Variants in UNC80 observed in about 807,000 individuals in gnomAD.
UNC80 encodes the protein protein unc-80 homolog.
Under a neutral mutation model 384.6 loss-of-function variants are expected in UNC80, and 164 were observed. The ratio of observed to expected loss-of-function variants is 0.43; its 90% CI spans 0.38 to 0.49. The LOEUF (loss-of-function observed/expected upper bound fraction) is 0.49, where lower values mean the gene tolerates loss of function less well. UNC80 is among the 20% of genes least tolerant of loss of function. The pLI is 0.00. For synonymous variants in UNC80, 1,486 were observed against 1,527.8 expected, an observed-to-expected ratio of 0.97 and a Z score of 0.64; for missense variants, 3,330 against 4,143.0, an observed-to-expected ratio of 0.80 and a Z score of 5.39.
intron 7 of UNC80, among the ~76,000 whole-genome samples, chr2:209,812,102 T>G (rs1428711401): frequency 1.3e-5 from 2 of 152,154 alleles, no homozygotes; most frequent in Non-Finnish European, 2.9e-5. Context: ...CAGGCTGGAG[T>G]GCAGTGGCGC....
intron 1 of UNC80, among the ~76,000 whole-genome samples, chr2:209,772,423 G>A (rs1359856636): frequency 6.6e-6 from 1 of 151,990 alleles, no homozygotes; most frequent in African/African-American, 2.4e-5. Context: ...TTAGGGGGTG[G>A]GAGGGCAGAG....
intron 42 of UNC80, among the ~76,000 whole-genome samples, chr2:209,938,177 A>C (rs2091374718): frequency 1.3e-5 from 2 of 152,240 alleles, no homozygotes; most frequent in South Asian, 4.1e-4. Context: ...CTTAGGTTTA[A>C]GGTTGAAGAA....
At chr2:209,776,132 G>A in intron 3 of UNC80, 87 bp downstream of exon 3, 1 of 1,520,828 alleles carries the variant, frequency 6.6e-7, no homozygotes, top group South Asian at 1.3e-5. Context: ...AGTAGTTTCT[G>A]TTTTCTCAAG....
At chr2:209,818,623 A>G (rs908846653) in intron 11 of UNC80, among the ~76,000 whole-genome samples, 1 of 152,202 alleles carries the variant, frequency 6.6e-6, no homozygotes, top group African/African-American at 2.4e-5. Flanking sequence ...GTTCCTTAAT[A>G]TACTGGATAA....
At chr2:209,895,586 A>G (rs938709106) in intron 27 of UNC80, among the ~76,000 whole-genome samples, 17 of 152,308 alleles carry the variant, frequency 1.1e-4, no homozygotes, top group African/African-American at 3.4e-4. Context: ...ATTGCAATTA[A>G]TTATTTAAAT....
intron 47 of UNC80, among the ~76,000 whole-genome samples, chr2:209,948,085 T>C (rs1249072874): frequency 6.6e-6 from 1 of 152,180 alleles, no homozygotes; most frequent in Non-Finnish European, 1.5e-5. Context: ...ATTTCTTCTC[T>C]TGTTATCAGG....
rs759136302 is a variant in UNC80 at position 209,777,356 on chromosome 2, G to A, written c.397G>A (p.Gly133Arg). The stretch of plus-strand genomic sequence containing the variant: ...CCAGGACTGCAACAATGAGCGGTTT[G>A]GGGGTACAGACCGAGGCTCCAGCTG... The part of the protein sequence containing the change: ...APQDCNNERF[G>R]GTDRGSSWGG... Residue 133 changes from glycine to arginine, a missense_variant, in exon 4 of 65, where the codon GGG (glycine) becomes AGG (arginine). Gly to Arg is a moderately radical substitution (Grantham distance 125). Around this residue, in one of 8 missense-constraint regions of UNC80, gnomAD observed 937 missense variants for 1,026.8 expected, o/e 0.91. Coordinates refer to ENST00000673920, the MANE Select transcript of UNC80 (RefSeq NM_001371986.1). 74 of 1,614,060 alleles carry A rather than the reference G, an allele frequency of 4.6e-5. No homozygotes were observed. The highest frequency in any genetic ancestry group is 6.1e-5 in the Non-Finnish European group (72 of 1,180,048).
chr2:209,882,084 A>G (rs954819325), intron 25 of UNC80, among the ~76,000 whole-genome samples: 6 of 150,314 alleles, frequency 4.0e-5, no homozygotes, highest in African/African-American at 1.5e-4. Context: ...CTCCTGCCAC[A>G]GCCTCCCGAG....
intron 18 of UNC80, among the ~76,000 whole-genome samples, chr2:209,835,801 G>A (rs1345476993): frequency 2.0e-5 from 3 of 152,180 alleles, no homozygotes; most frequent in Admixed American, 1.3e-4. Context: ...TTTCTTCACA[G>A]TCAGGGAAAT....
chr2:209,953,017 G>C (rs1312225018), intron 47 of UNC80, among the ~76,000 whole-genome samples: 4 of 152,086 alleles, frequency 2.6e-5, no homozygotes, highest in Admixed American at 2.6e-4. Flanking sequence ...GTAAGAAAAA[G>C]AATAGATCAA....
chr2:209,852,387 A>G (rs762751989), intron 22 of UNC80, among the ~76,000 whole-genome samples: 3 of 152,040 alleles, frequency 2.0e-5, no homozygotes, highest in Non-Finnish European at 2.9e-5. Flanking sequence ...ATAGGTGATG[A>G]TGGTGGTGGT....
intron 33 of UNC80, among the ~76,000 whole-genome samples, chr2:209,920,438 C>T (rs1383044474): frequency 2.0e-5 from 3 of 152,192 alleles, no homozygotes; most frequent in African/African-American, 7.2e-5. Context: ...ACTCTGTCTC[C>T]AAAGCTCTTG....
chr2:209,799,081 A>G (rs2078365250), intron 7 of UNC80, among the ~76,000 whole-genome samples: 1 of 35,340 alleles, frequency 2.8e-5, no homozygotes, highest in Non-Finnish European at 5.6e-5. Context: ...AAAATAAAAT[A>G]AGTGTTTTTT....
chr2:209,850,193 AAG>A (rs2124839681), intron 22 of UNC80, among the ~76,000 whole-genome samples: 1 of 152,242 alleles, frequency 6.6e-6, no homozygotes, highest in South Asian at 2.1e-4. Flanking sequence ...TAAAGGATTA[AAG>A]AGTATGAAGT....
At position 209,981,608 on chromosome 2, in the gene UNC80, C is replaced by CA. The variant is rs375697821; in HGVS notation, c.9119-563dup. On this transcript the variant is annotated intron_variant, in intron 59 of 64. Transcript: ENST00000673920. ...AAAAAACAAACAAACCAAAACAAAA[C>CA]AAAAAAAACTCTGCTTCTATGGAGA... Among the ~76,000 whole-genome samples, 268 of 151,978 alleles carry CA rather than the reference C, an allele frequency of 1.8e-3. 2 individuals carry two copies. The highest frequency in any genetic ancestry group is 0.012 in the South Asian group (58 of 4,814).
intron 38 of UNC80, among the ~76,000 whole-genome samples, chr2:209,931,830 A>G (rs965160664): frequency 4.6e-5 from 7 of 152,344 alleles, no homozygotes; most frequent in African/African-American, 9.6e-5. Flanking sequence ...GGAAAAAAAT[A>G]TGAATAAATG....
At chr2:209,939,785 A>G (rs980598944) in intron 43 of UNC80, 133 bp downstream of exon 43, 1 of 767,526 alleles carries the variant, frequency 1.3e-6, no homozygotes, top group African/African-American at 1.8e-5. Context: ...TTACATATGT[A>G]TACATGTGCC....
At chr2:209,846,374 T>C (rs2082172751) in intron 21 of UNC80, among the ~76,000 whole-genome samples, 1 of 152,146 alleles carries the variant, frequency 6.6e-6, no homozygotes, top group African/African-American at 2.4e-5. Flanking sequence ...ATGTTGTCTC[T>C]ATTTGAGGGA....
chr2:209,778,904 C>CT (rs1396604596), intron 4 of UNC80, among the ~76,000 whole-genome samples: 1 of 152,192 alleles, frequency 6.6e-6, no homozygotes, highest in East Asian at 1.9e-4. Context: ...AGGGAACAGA[C>CT]TAGTGAGTAT....
Sources: gnomAD v4.1 joint callset for allele counts (sites outside exome capture counted in the v4.1 genomes callset) on GRCh38, gnomAD v4.1.1 for gene constraint, gnomAD v4.1.1 regional missense constraint, MANE v1.5 for transcripts, NCBI Gene and HGNC (gene_info 2026-07-23, HGNC 2026-07-21) for gene names.